CTNNA3: variants seen among roughly 807,000 people sequenced by gnomAD.
CTNNA3 encodes the protein catenin alpha 3, also known as catenin alpha-3.
In CTNNA3, 76 loss-of-function variants were observed where a neutral mutation model predicts 95.7. The ratio of observed to expected loss-of-function variants is 0.79; its 90% CI spans 0.66 to 0.96. The LOEUF is 0.96. Among genes scored for constraint, CTNNA3 ranks in the 40% least tolerant of loss-of-function variants. The pLI is 0.00. For synonymous variants in CTNNA3, 431 were observed against 374.4 expected (o/e 1.15, Z -1.74); for missense variants, 1,191 against 1,089.8 (o/e 1.09, Z -1.31).
At chr10:65,921,679 A>C (rs1227228390) in intron 17 of CTNNA3, among the ~76,000 whole-genome samples, 1 of 152,324 alleles carries the variant, frequency 6.6e-6, no homozygotes, top group East Asian at 1.9e-4. Context: ...GGGCAGTGTG[A>C]ACTGCCATGC....
At chr10:66,856,016 G>C (rs1843670578) in intron 7 of CTNNA3, among the ~76,000 whole-genome samples, 2 of 151,942 alleles carry the variant, frequency 1.3e-5, no homozygotes, top group Non-Finnish European at 2.9e-5. Flanking sequence ...TTGGTGTACA[G>C]ATCATTTTGT....
intron 5 of CTNNA3, among the ~76,000 whole-genome samples, chr10:67,280,800 T>G (rs1419329229): frequency 6.6e-6 from 1 of 152,154 alleles, no homozygotes; most frequent in African/African-American, 2.4e-5. Flanking sequence ...TTGCCTATAT[T>G]TCCTCCATTT....
intron 5 of CTNNA3, among the ~76,000 whole-genome samples, chr10:67,259,155 A>C (rs1201678904): frequency 6.6e-6 from 1 of 152,206 alleles, no homozygotes; most frequent in Non-Finnish European, 1.5e-5. Context: ...TCCAAAACAT[A>C]ATCTTAAATG....
intron 13 of CTNNA3, among the ~76,000 whole-genome samples, chr10:66,161,886 G>T (rs1158621196): frequency 2.6e-5 from 4 of 152,010 alleles, no homozygotes; most frequent in African/African-American, 9.7e-5. Context: ...TGGAGGCTGT[G>T]TTCATATTTT....
intron 11 of CTNNA3, among the ~76,000 whole-genome samples, chr10:66,386,613 A>T (rs2092894715): frequency 6.6e-6 from 1 of 152,202 alleles, no homozygotes; most frequent in Non-Finnish European, 1.5e-5. Flanking sequence ...GTTCATATGG[A>T]ACCAAAAAAG....
intron 13 of CTNNA3, among the ~76,000 whole-genome samples, chr10:66,114,961 T>C (rs1164687945): frequency 6.6e-6 from 1 of 152,128 alleles, no homozygotes; most frequent in East Asian, 1.9e-4. Context: ...TAGAATATTA[T>C]AAGTGACTTT....
At chr10:67,562,996 A>T (rs937858693) in intron 3 of CTNNA3, among the ~76,000 whole-genome samples, 40 of 152,204 alleles carry the variant, frequency 2.6e-4, no homozygotes, top group Middle Eastern at 3.4e-3. Context: ...AAGAGGATAC[A>T]AACAAATGGA....
At chr10:67,547,219 A>G (rs1215058493) in intron 3 of CTNNA3, among the ~76,000 whole-genome samples, 3 of 152,180 alleles carry the variant, frequency 2.0e-5, no homozygotes, top group Admixed American at 1.3e-4. Flanking sequence ...TCCCCCCCAA[A>G]AAATACAAGT....
intron 10 of CTNNA3, among the ~76,000 whole-genome samples, chr10:66,578,969 CT>C (rs368410578): frequency 0.22 from 31,531 of 140,354 alleles, 4,264 homozygotes; most frequent in Middle Eastern, 0.43. Flanking sequence ...TGCTCTAGGC[CT>C]TTTTTTTTTT....
chr10:66,419,307 C>CA (rs991411517), intron 11 of CTNNA3, among the ~76,000 whole-genome samples: 10 of 151,726 alleles, frequency 6.6e-5, no homozygotes, highest in South Asian at 2.1e-4. Context: ...CACTAGCTAC[C>CA]AAAAAAATTA....
chr10:67,054,230 C>A (rs1442362267), intron 7 of CTNNA3, among the ~76,000 whole-genome samples: 1 of 151,982 alleles, frequency 6.6e-6, no homozygotes, highest in Non-Finnish European at 1.5e-5. Context: ...GGCTGTACCC[C>A]AATAATATAA....
intron 11 of CTNNA3, among the ~76,000 whole-genome samples, chr10:66,517,327 T>G (rs1449228843): frequency 6.6e-6 from 1 of 152,132 alleles, no homozygotes; most frequent in African/African-American, 2.4e-5. Context: ...TGAAACCTAC[T>G]GGGCTGCATT....
At chr10:67,410,116 T>C (rs1343071846) in intron 5 of CTNNA3, among the ~76,000 whole-genome samples, 1 of 152,040 alleles carries the variant, frequency 6.6e-6, no homozygotes, top group Non-Finnish European at 1.5e-5. Flanking sequence ...TAAATGCCCA[T>C]CAAAGATAGA....
At chr10:66,577,176 TA>T (rs1241761266) in intron 10 of CTNNA3, among the ~76,000 whole-genome samples, 1 of 151,806 alleles carries the variant, frequency 6.6e-6, no homozygotes, top group Non-Finnish European at 1.5e-5. Flanking sequence ...TAAATGCAAT[TA>T]ATATATTTTT....
intron 15 of CTNNA3, among the ~76,000 whole-genome samples, chr10:66,011,983 C>T (rs1404643906): frequency 1.3e-5 from 2 of 152,084 alleles, no homozygotes; most frequent in Non-Finnish European, 2.9e-5. Context: ...AAAATGACAC[C>T]CCAGTGGAAA....
chr10:66,460,425 T>C (rs946699727), intron 11 of CTNNA3, among the ~76,000 whole-genome samples: 56 of 152,202 alleles, frequency 3.7e-4, no homozygotes, highest in Non-Finnish European at 1.2e-4. Context: ...AAACAGTTCA[T>C]GTAAGTTGCG....
chr10:66,200,105 G>A (rs866361690), intron 13 of CTNNA3, among the ~76,000 whole-genome samples: 9 of 150,866 alleles, frequency 6.0e-5, no homozygotes, highest in Non-Finnish European at 1.3e-4. Flanking sequence ...ATGTATGCAC[G>A]CATACACACG....
intron 9 of CTNNA3, among the ~76,000 whole-genome samples, chr10:66,644,710 C>A (rs1845644319): frequency 1.2e-5 from 1 of 80,716 alleles, no homozygotes; most frequent in Admixed American, 1.2e-4. Context: ...ATATAACTCA[C>A]TGATCTTATT....
chr10:67,383,766 A>G (rs1463378221), intron 5 of CTNNA3, among the ~76,000 whole-genome samples: 1 of 152,242 alleles, frequency 6.6e-6, no homozygotes, highest in African/African-American at 2.4e-5. Context: ...GCTGCATGCA[A>G]AACATTGTAT....
Sources: allele counts gnomAD v4.1 joint callset (sites outside exome capture counted in the v4.1 genomes callset), GRCh38; gene constraint gnomAD v4.1.1; transcripts MANE v1.5; gene names NCBI Gene and HGNC (gene_info 2026-07-23, HGNC 2026-07-21).